TOR1AIP1: variants seen among roughly 807,000 people sequenced by gnomAD.
TOR1AIP1 encodes torsin-1A-interacting protein 1.
A neutral mutation model predicts 63.3 loss-of-function variants in TOR1AIP1; 54 were observed. The observed-to-expected ratio is 0.85, with a 90% confidence interval of 0.69 to 1.07. TOR1AIP1 has a LOEUF of 1.07. Among genes scored for constraint, TOR1AIP1 ranks in the 50% least tolerant of loss-of-function variants. TOR1AIP1 has a pLI of 0.00. For missense variants in TOR1AIP1, 736 were observed against 715.0 expected (o/e 1.03, Z -0.33); for synonymous variants, 294 against 273.5 (o/e 1.07, Z -0.74).
chr1:179,916,679 T>C (rs922476853), intron 9 of TOR1AIP1, among the ~76,000 whole-genome samples: 1 of 150,946 alleles, frequency 6.6e-6, no homozygotes, highest in Non-Finnish European at 1.5e-5. Context: ...TAGAAGATGT[T>C]CATTTATATT....
chr1:179,913,150 G>A (rs1395473375), intron 8 of TOR1AIP1, among the ~76,000 whole-genome samples: 2 of 148,262 alleles, frequency 1.3e-5, no homozygotes, highest in African/African-American at 5.0e-5. Context: ...TTTTTTTAGA[G>A]ATGGGGTCTC....
At chr1:179,887,798 A>T (rs1647954161) in intron 2 of TOR1AIP1, 2 of 152,220 alleles carry the variant, frequency 1.3e-5, no homozygotes, top group Admixed American at 6.5e-5. Flanking sequence ...TTAAATGCTT[A>T]CTATTTTATC....
At chr1:179,910,441 G>C (rs1365630743) in intron 8 of TOR1AIP1, among the ~76,000 whole-genome samples, 1 of 152,092 alleles carries the variant, frequency 6.6e-6, no homozygotes, top group African/African-American at 2.4e-5. Flanking sequence ...TTTTTTCTCA[G>C]CAGTGACGTT....
At chr1:179,900,072 C>T (rs1195200524) in intron 3 of TOR1AIP1, 54 bp from the exon 4 acceptor site, 3 of 1,378,356 alleles carry the variant, frequency 2.2e-6, no homozygotes, top group African/African-American at 1.4e-5. Context: ...TATTCCTAAG[C>T]TTTAACTTTT....
intron 3 of TOR1AIP1, among the ~76,000 whole-genome samples, chr1:179,890,800 T>A (rs1468229822): frequency 6.6e-6 from 1 of 152,118 alleles, no homozygotes; most frequent in Admixed American, 6.5e-5. Context: ...CTGTGTTTTT[T>A]ATAGAGATGG....
At chr1:179,913,757 T>C (rs184939661) in intron 8 of TOR1AIP1, 2 of 679,316 alleles carry the variant, frequency 2.9e-6, no homozygotes, top group Admixed American at 2.1e-5. Context: ...AAACTAATTA[T>C]TGTGTGCTTT....
intron 3 of TOR1AIP1, among the ~76,000 whole-genome samples, chr1:179,895,763 G>C (rs1002600280): frequency 2.0e-5 from 3 of 152,124 alleles, no homozygotes; most frequent in Non-Finnish European, 2.9e-5. Context: ...AGCCGGGCAT[G>C]GTGGCACAAG....
chr1:179,911,373 T>G (rs2148481500), intron 8 of TOR1AIP1, among the ~76,000 whole-genome samples: 1 of 152,344 alleles, frequency 6.6e-6, no homozygotes, highest in Middle Eastern at 3.4e-3. Context: ...TTTTTAGAGC[T>G]GAGTGTTCAA....
At chr1:179,889,474 TA>T in intron 3 of TOR1AIP1, 105 bp downstream of exon 3, 1 of 903,608 alleles carries the variant, frequency 1.1e-6, no homozygotes, top group Non-Finnish European at 1.6e-6. Flanking sequence ...AAAGTTACTG[TA>T]AATATACATT....
intron 8 of TOR1AIP1, among the ~76,000 whole-genome samples, chr1:179,912,199 T>C (rs994469294): frequency 2.6e-5 from 4 of 151,982 alleles, no homozygotes. Context: ...TTTTGTATTT[T>C]AGTAGAGACA....
chr1:179,885,383 T>G (rs958916915), intron 2 of TOR1AIP1, among the ~76,000 whole-genome samples: 3 of 152,208 alleles, frequency 2.0e-5, no homozygotes, highest in African/African-American at 7.2e-5. Context: ...TTAAAAAAAT[T>G]GTCAGAATCA....
rs1277758555 is a variant in TOR1AIP1, at chr1:179,901,395, T to C, written c.739+7T>C. 1 of 1,571,806 alleles carries C rather than the reference T, an allele frequency of 6.4e-7. No individual in the cohort carries two copies. The highest frequency in any genetic ancestry group is 8.7e-7 in the Non-Finnish European group (1 of 1,148,152). On this transcript the variant is annotated splice_region_variant and intron_variant, in intron 5 of 9. Coordinates refer to ENST00000606911, the MANE Select transcript of TOR1AIP1 (RefSeq NM_015602.4). Reference sequence around the variant, plus strand: ...GATTCTGATGAATCTGGAGGTAATATTGCTTTATATACATATGACTCTTCT... The same window carrying C: ...GATTCTGATGAATCTGGAGGTAATACTGCTTTATATACATATGACTCTTCT...
At chr1:179,916,688 T>C (rs1648996502) in intron 9 of TOR1AIP1, among the ~76,000 whole-genome samples, 1 of 148,958 alleles carries the variant, frequency 6.7e-6, no homozygotes, top group African/African-American at 2.5e-5. Context: ...TTCATTTATA[T>C]TGCATCCTTT....
In TOR1AIP1 at chr1:179,918,069, G is replaced by C. The variant is rs1188545890; in HGVS notation, c.1582G>C (p.Val528Leu). Residue 528 changes from valine to leucine, a missense_variant, in exon 10 of 10, where the codon GTT becomes CTT. Val to Leu is a conservative substitution (Grantham distance 32). Coordinates refer to ENST00000606911, the MANE Select transcript of TOR1AIP1 (RefSeq NM_015602.4). ...TLGTSLGLKE[V>L]EEKVRDFLKV... ...TGGAACAAGTCTAGGCCTAAAGGAA[G>C]TTGAAGAAAAAGTAAGAGATTTTCT... The C allele has an allele frequency of 3.7e-6, 6 of 1,614,202 alleles. No individual in the cohort carries two copies. The Admixed American group carries it at 5.0e-5, about 13-fold the overall frequency.
chr1:179,900,197 AT>A (rs768139213), intron 4 of TOR1AIP1, 30 bp downstream of exon 4: 21 of 1,446,224 alleles, frequency 1.5e-5, no homozygotes, highest in Non-Finnish European at 2.0e-5. Context: ...CATATAATAT[AT>A]ACTTTAAGTC....
Position 179,894,118 on chromosome 1 carries a change from G to A in TOR1AIP1, c.610+4749G>A, listed in dbSNP as rs944745824. Among the ~76,000 whole-genome samples, 25 of 151,912 alleles carry A rather than the reference G, an allele frequency of 1.6e-4. 1 individual carries two copies. The East Asian group carries it at 4.5e-3, about 27-fold the overall frequency. ...TACAAAAAAGTAGCTGGGCGCAGTG[G>A]CGGGCACCTGTAGTCCCAGCTACTT... On this transcript the variant is annotated intron_variant, in intron 3 of 9. Transcript: ENST00000606911.
intron 5 of TOR1AIP1, among the ~76,000 whole-genome samples, chr1:179,902,016 A>G (rs1157656857): frequency 1.4e-5 from 2 of 140,388 alleles, no homozygotes; most frequent in African/African-American, 5.3e-5. Flanking sequence ...TGTAATTCCA[A>G]TTCTTTTTTT....
At chr1:179,913,686 C>A (rs561902354) in intron 8 of TOR1AIP1, 11 of 701,332 alleles carry the variant, frequency 1.6e-5, no homozygotes, top group Non-Finnish European at 2.1e-5. Context: ...CTTTTTATCC[C>A]GGAAGTTTCA....
intron 1 of TOR1AIP1, chr1:179,883,912 C>G (rs569307387): frequency 5.8e-5 from 17 of 290,642 alleles, no homozygotes; most frequent in African/African-American, 3.1e-4. Flanking sequence ...TAAAAATCAG[C>G]GGACCTGAGT....
Sources: allele counts gnomAD v4.1 joint callset (sites outside exome capture counted in the v4.1 genomes callset), GRCh38; gene constraint gnomAD v4.1.1; transcripts MANE v1.5; gene names NCBI Gene and HGNC (gene_info 2026-07-23, HGNC 2026-07-21).